PRKCE: variants seen among roughly 807,000 people sequenced by gnomAD.
The protein encoded by PRKCE is protein kinase C epsilon.
Under a neutral mutation model 85.4 loss-of-function variants are expected in PRKCE, and 16 were observed. The ratio of observed to expected loss-of-function variants is 0.19; its 90% CI spans 0.13 to 0.28. PRKCE has a LOEUF of 0.28. PRKCE is among the 10% of genes least tolerant of loss of function. The pLI, the probability that PRKCE is intolerant of heterozygous loss-of-function variation, is 1.00. For synonymous variants in PRKCE, 388 were observed against 371.5 expected (o/e 1.04, Z -0.51); for missense variants, 573 against 975.2 (o/e 0.59, Z 5.49).
chr2:45,883,503 G>A (rs1465727958), intron 2 of PRKCE, among the ~76,000 whole-genome samples: 1 of 152,226 alleles, frequency 6.6e-6, no homozygotes, highest in Non-Finnish European at 1.5e-5. Flanking sequence ...GCACAGGCAG[G>A]GCAGAGCTAC....
At chr2:45,780,995 A>G (rs1274212831) in intron 1 of PRKCE, among the ~76,000 whole-genome samples, 1 of 152,152 alleles carries the variant, frequency 6.6e-6, no homozygotes, top group African/African-American at 2.4e-5. Context: ...AATGCTTTAC[A>G]TATTGTATCA....
At chr2:45,770,670 C>G (rs921541393) in intron 1 of PRKCE, 2 of 152,196 alleles carry the variant, frequency 1.3e-5, no homozygotes, top group African/African-American at 4.8e-5. Context: ...GAAATTGAGA[C>G]AGCGAGAAGC....
intron 2 of PRKCE, among the ~76,000 whole-genome samples, chr2:45,876,090 T>C (rs1694453524): frequency 6.6e-6 from 1 of 152,246 alleles, no homozygotes; most frequent in Non-Finnish European, 1.5e-5. Flanking sequence ...TTCTCATTTC[T>C]TTGGACATTA....
At chr2:46,006,209 A>T (rs1705185252) in intron 8 of PRKCE, among the ~76,000 whole-genome samples, 1 of 152,260 alleles carries the variant, frequency 6.6e-6, no homozygotes, top group South Asian at 2.1e-4. Context: ...TCCCTTGTAA[A>T]GACACATAGA....
At chr2:45,949,402 GTTTTT>G (rs35033431) in intron 2 of PRKCE, among the ~76,000 whole-genome samples, 8 of 118,758 alleles carry the variant, frequency 6.7e-5, no homozygotes, top group East Asian at 2.3e-4. Flanking sequence ...TATTTTGCTT[GTTTTT>G]TTTTTTTTTT....
chr2:45,989,397 C>G (rs917326557), intron 6 of PRKCE, among the ~76,000 whole-genome samples: 2 of 152,136 alleles, frequency 1.3e-5, no homozygotes, highest in Non-Finnish European at 2.9e-5. Flanking sequence ...GGAGTGGTGG[C>G]CTGAAGAGAT....
At chr2:45,735,039 C>T (rs1374981111) in intron 1 of PRKCE, among the ~76,000 whole-genome samples, 1 of 152,244 alleles carries the variant, frequency 6.6e-6, no homozygotes, top group African/African-American at 2.4e-5. Context: ...GAACAGTCTT[C>T]AATAAACCTC....
chr2:45,663,071 C>G (rs997396991), intron 1 of PRKCE, among the ~76,000 whole-genome samples: 4 of 152,254 alleles, frequency 2.6e-5, no homozygotes, highest in South Asian at 4.2e-4. Context: ...ATTTTCAGGT[C>G]TCTGTGATCA....
intron 1 of PRKCE, among the ~76,000 whole-genome samples, chr2:45,744,223 A>C (rs974729701): frequency 5.3e-5 from 8 of 152,224 alleles, no homozygotes; most frequent in African/African-American, 1.7e-4. Flanking sequence ...GCTCAGGCAC[A>C]GGAAGCCAGG....
intron 1 of PRKCE, among the ~76,000 whole-genome samples, chr2:45,758,499 A>G (rs937166579): frequency 3.0e-5 from 4 of 133,806 alleles, no homozygotes; most frequent in Non-Finnish European, 6.6e-5. Context: ...TGCTGAGACA[A>G]CTCTGCCTGG....
chr2:45,913,078 T>G (rs55728492), intron 2 of PRKCE, among the ~76,000 whole-genome samples: 2,772 of 152,322 alleles, frequency 0.018, 98 homozygotes, highest in African/African-American at 0.064. Flanking sequence ...AGTAAGGTGG[T>G]GTCTTGACTA....
chr2:46,169,531 C>T (rs762599597), intron 14 of PRKCE, among the ~76,000 whole-genome samples: 2 of 152,062 alleles, frequency 1.3e-5, no homozygotes, highest in Non-Finnish European at 2.9e-5. Flanking sequence ...CCCAGCTAGG[C>T]GTGGAAGAGG....
intron 14 of PRKCE, among the ~76,000 whole-genome samples, chr2:46,176,407 G>C (rs1378197204): frequency 1.3e-5 from 2 of 152,010 alleles, no homozygotes; most frequent in Non-Finnish European, 2.9e-5. Flanking sequence ...TGGTAAATTG[G>C]AAATGATGGG....
chr2:45,818,694 G>T (rs1294554653), intron 1 of PRKCE, among the ~76,000 whole-genome samples: 1 of 152,196 alleles, frequency 6.6e-6, no homozygotes, highest in African/African-American at 2.4e-5. Flanking sequence ...TGGCTTCGGG[G>T]GAGAGTGACC....
chr2:45,998,820 C>G (rs1704431316), intron 6 of PRKCE, among the ~76,000 whole-genome samples: 1 of 152,086 alleles, frequency 6.6e-6, no homozygotes, highest in South Asian at 2.1e-4. Flanking sequence ...TCTCTCCTTT[C>G]TTAGCGTATC....
At chr2:46,113,665 C>T (rs902900394) in intron 11 of PRKCE, among the ~76,000 whole-genome samples, 1 of 152,182 alleles carries the variant, frequency 6.6e-6, no homozygotes, top group Non-Finnish European at 1.5e-5. Context: ...CAGTCCCTGG[C>T]TTGCAGTGGG....
rs1405497138 is a variant in PRKCE at position 46,145,521 on chromosome 2, A to G, written c.1731+290A>G. Among the ~76,000 whole-genome samples the G allele has an allele frequency of 6.6e-6, 1 of 152,192 alleles. No individual in the cohort carries two copies. The highest frequency in any genetic ancestry group is 2.4e-5 in the African/African-American group (1 of 41,450). On this transcript the variant is annotated intron_variant, in intron 12 of 14. Coordinates refer to ENST00000306156, the MANE Select transcript of PRKCE (RefSeq NM_005400.3). This position sits in a 1 kb window ranked among gnomAD's most constrained non-coding sequence, Gnocchi z 4.6. ...CCCATCCTAGTCCAGAACCACCAATAAATCTAGGACCAAGAAAAACGTGTT... is the reference window on the plus strand; with the variant it reads ...CCCATCCTAGTCCAGAACCACCAATGAATCTAGGACCAAGAAAAACGTGTT...
chr2:45,906,248 G>A (rs1012833499), intron 2 of PRKCE, among the ~76,000 whole-genome samples: 5 of 152,256 alleles, frequency 3.3e-5, no homozygotes, highest in Admixed American at 2.0e-4. Flanking sequence ...TGCTGGTGCT[G>A]AGTCCAGGAG....
At chr2:45,964,278 A>T (rs1230180565) in intron 2 of PRKCE, among the ~76,000 whole-genome samples, 3 of 152,180 alleles carry the variant, frequency 2.0e-5, no homozygotes, top group Non-Finnish European at 2.9e-5. Flanking sequence ...CCGTTTTAAT[A>T]CAGCATTTTA....
Sources: gnomAD v4.1 joint callset for allele counts (sites outside exome capture counted in the v4.1 genomes callset) on GRCh38, gnomAD v4.1.1 for gene constraint, Gnocchi (gnomAD v3.1) non-coding constraint, MANE v1.5 for transcripts, NCBI Gene and HGNC (gene_info 2026-07-23, HGNC 2026-07-21) for gene names.